The following NOL4L variants were observed in gnomAD, a reference collection of about 807,000 sequenced individuals.
NOL4L encodes the protein nucleolar protein 4 like.
Under a neutral mutation model 64.5 loss-of-function variants are expected in NOL4L, and 7 were observed. That is an observed-to-expected ratio of 0.11 (90% CI 0.06 to 0.20). The LOEUF is 0.20. Among genes scored for constraint, NOL4L ranks in the 10% least tolerant of loss-of-function variants. NOL4L has a pLI of 1.00. For missense variants in NOL4L, 680 were observed against 967.1 expected, an observed-to-expected ratio of 0.70 and a Z score of 3.94; for synonymous variants, 413 against 401.0, an observed-to-expected ratio of 1.03 and a Z score of -0.36.
intron 1 of NOL4L, among the ~76,000 whole-genome samples, chr20:32,562,932 GAA>G: frequency 2.9e-5 from 1 of 34,722 alleles, no homozygotes. Flanking sequence ...AGAGAGTGGA[GAA>G]GGAGGGTGGA....
At chr20:32,532,550 CCAGA>C (rs983370990) in intron 1 of NOL4L, 1 of 168,360 alleles carries the variant, frequency 5.9e-6, no homozygotes, top group African/African-American at 2.4e-5. Flanking sequence ...AGCTAAGGAT[CCAGA>C]CAGTGCTGCA....
chr20:32,584,719 C>T lies in NOL4L; in HGVS notation c.172G>A (p.Gly58Ser), dbSNP rs2145631639. 2 of 1,548,326 alleles carry T rather than the reference C, an allele frequency of 1.3e-6. No homozygotes were observed. Among genetic ancestry groups the T allele is most frequent in the African/African-American group, 1.4e-5 (1 of 73,048 alleles). ...CTGCCCGCGCCAGTCCCGCCGCCGCCCTGCAGGACCTCGGCGATCCGCTGG... is the reference window on the plus strand; with the variant it reads ...CTGCCCGCGCCAGTCCCGCCGCCGCTCTGCAGGACCTCGGCGATCCGCTGG... Reference protein sequence around the residue: ...KYQRIAEVLQGGGGTGAGSGP... With the variant: ...KYQRIAEVLQSGGGTGAGSGP... The change falls in exon 1 of 11, where the codon GGC (glycine) becomes AGC (serine). Residue 58 changes from glycine (G) to serine (S), a missense_variant. This residue lies in a region of NOL4L where 181 missense variants were observed against 335.2 expected (regional missense o/e 0.54). Coordinates refer to ENST00000621426, the MANE Select transcript of NOL4L (RefSeq NM_001256798.2).
intron 1 of NOL4L, among the ~76,000 whole-genome samples, chr20:32,533,064 C>T (rs1161614455): frequency 6.6e-6 from 1 of 152,152 alleles, no homozygotes; most frequent in Non-Finnish European, 1.5e-5. Flanking sequence ...GATGGGAAGA[C>T]CACTTGAGCC....
At chr20:32,512,047 C>T (rs1042785363) in intron 3 of NOL4L, among the ~76,000 whole-genome samples, 4 of 151,994 alleles carry the variant, frequency 2.6e-5, no homozygotes, top group East Asian at 1.9e-4. Flanking sequence ...CAAACCCACC[C>T]CCACAACACA....
Position 32,474,707 on chromosome 20 carries a change from C to G in NOL4L, c.735G>C (p.Met245Ile). 6.2e-7 allele frequency: 1 copy of G among 1,613,504 alleles called. No homozygotes were observed. The highest frequency in any genetic ancestry group is 8.5e-7 in the Non-Finnish European group (1 of 1,179,788). The part of the protein sequence containing the change: ...ETSVSSEDFD[M>I]SDSTWMSADP... The stretch of plus-strand genomic sequence containing the variant: ...CAGCTGACATCCATGTGGAGTCGCT[C>G]ATATCAAAATCCTCGCTGCTCACAG... Residue 245 changes from methionine to isoleucine, a missense_variant, in exon 5 of 11, where the codon ATG becomes ATC. Physicochemically the swap from Met to Ile is conservative, Grantham distance 10. This residue lies in a region of NOL4L where 254 missense variants were observed against 238.7 expected (regional missense o/e 1.06). Transcript: ENST00000621426.
intron 1 of NOL4L, chr20:32,535,980 A>C (rs2018508490): frequency 1.0e-6 from 1 of 985,376 alleles, no homozygotes; most frequent in Non-Finnish European, 1.2e-6. Context: ...GGTGCTGTAG[A>C]GGTGAAGTCA....
chr20:32,565,515 C>T (rs1162950370), intron 1 of NOL4L, among the ~76,000 whole-genome samples: 4 of 152,286 alleles, frequency 2.6e-5, no homozygotes, highest in Non-Finnish European at 5.9e-5. Context: ...TCTCCTGCCC[C>T]GCACCCCCTG....
rs948555797 is a variant in NOL4L at position 32,446,086 on chromosome 20, C to A, written c.*1510G>T. ...AAAGGCAACAGAGGGCTTCTGCCAG[C>A]TCTGGGCAGGGGCGGGCAGCAGAGA... is the stretch of plus-strand genomic sequence containing the variant. On this transcript the variant is annotated 3_prime_UTR_variant, in exon 11 of 11. Transcript: ENST00000621426. 1 of 152,380 alleles carries A rather than the reference C, an allele frequency of 6.6e-6. No homozygotes were observed. The highest frequency in any genetic ancestry group is 1.5e-5 in the Non-Finnish European group (1 of 68,198). The allele number at this position is 152,380 out of a possible 1,614,324, so 9.4% of individuals were successfully genotyped here. A position where few individuals can be genotyped will look rare whatever the true frequency, so the allele number is the denominator to read the frequency against.
intron 4 of NOL4L, among the ~76,000 whole-genome samples, chr20:32,493,371 C>A (rs186767591): frequency 7.1e-4 from 108 of 152,118 alleles, no homozygotes; most frequent in East Asian, 1.2e-3. Context: ...GCTCTGGGGC[C>A]CGGGATGCTG....
intron 5 of NOL4L, among the ~76,000 whole-genome samples, chr20:32,473,957 G>A (rs967429741): frequency 6.6e-6 from 1 of 152,236 alleles, no homozygotes; most frequent in African/African-American, 2.4e-5. Context: ...GAGTCCACGT[G>A]GAGGCCGGGG....
intron 1 of NOL4L, chr20:32,536,979 G>T: frequency 1.7e-6 from 1 of 604,896 alleles, no homozygotes; most frequent in Non-Finnish European, 2.1e-6. Flanking sequence ...CACCCCACGC[G>T]CACCTGCTGC....
In NOL4L at chr20:32,539,150, C is replaced by A. The variant is rs192242896; in HGVS notation, c.322-11237G>T. 1.3e-3 allele frequency among the ~76,000 whole-genome samples: 203 copies of A among 152,246 alleles called. 7 individuals are homozygous for A. In the East Asian group the frequency reaches 0.036, roughly 27 times the overall value. ...TCTGGGTCCCAGCCCAAGGGCAGGG[C>A]CATGGCTTTCTCTGCCTGCTCCAGC... On this transcript the variant is annotated intron_variant, in intron 1 of 10. Coordinates refer to ENST00000621426, the MANE Select transcript of NOL4L (RefSeq NM_001256798.2).
At chr20:32,536,569 G>C in intron 1 of NOL4L, among the ~76,000 whole-genome samples, 1 of 147,400 alleles carries the variant, frequency 6.8e-6, no homozygotes, top group South Asian at 2.1e-4. Flanking sequence ...AGGCGCGCGC[G>C]CGCCGGGCTG....
At chr20:32,572,710 G>C (rs7266448) in intron 1 of NOL4L, among the ~76,000 whole-genome samples, 10,147 of 152,046 alleles carry the variant, frequency 0.067, 848 homozygotes, top group African/African-American at 0.2. Context: ...TTCCATCAAG[G>C]CCCCCTCTCC....
chr20:32,584,909 G>C lies in NOL4L; in HGVS notation c.-19C>G. 1 of 1,199,974 alleles carries C rather than the reference G, an allele frequency of 8.3e-7. No individual in the cohort carries two copies. The highest frequency in any genetic ancestry group is 1.0e-6 in the Non-Finnish European group (1 of 969,794). 74.3% of individuals were successfully genotyped at this position (1,199,974 alleles called of 1,614,324 possible). A position where few individuals can be genotyped will look rare whatever the true frequency, so the allele number is the denominator to read the frequency against. On this transcript the variant is annotated 5_prime_UTR_variant, in exon 1 of 11. Transcript: ENST00000621426. The stretch of plus-strand genomic sequence containing the variant: ...TCGGCATCCTCCCGCCGCGCCCGGC[G>C]CCCTCGGGGGCGGGCCGGCCGCCGG...
rs57444583 is a variant in NOL4L at position 32,485,058 on chromosome 20, CAAAAAAAAAAAAAA to C, written c.700-10330_700-10317del. 2.1e-3 allele frequency among the ~76,000 whole-genome samples: 37 copies of C among 17,816 alleles called. 1 individual carries two copies. The East Asian group carries it at 0.04, about 19-fold the overall frequency. The allele number at this position is 17,816 out of a possible 152,430, so 11.7% of individuals were successfully genotyped here. ...TCGTGGAATTCTGTGGGGAAATTGC[CAAAAAAAAAAAAAA>C]AAAAAAAAAAAAAAACAACTAAAAA... is the stretch of plus-strand genomic sequence containing the variant. On this transcript the variant is annotated intron_variant, in intron 4 of 10. Transcript: ENST00000621426.
At chr20:32,573,164 C>T (rs1043038794) in intron 1 of NOL4L, among the ~76,000 whole-genome samples, 3 of 151,928 alleles carry the variant, frequency 2.0e-5, no homozygotes, top group Middle Eastern at 3.2e-3. Context: ...ACAGGCATGG[C>T]GCCACCATGC....
chr20:32,500,842 T>C (rs917389221), intron 4 of NOL4L, among the ~76,000 whole-genome samples: 7 of 152,186 alleles, frequency 4.6e-5, no homozygotes, highest in African/African-American at 9.6e-5. Context: ...CTAGAACAAT[T>C]TGTACAACAA....
At chr20:32,515,544 C>T (rs2017615822) in intron 3 of NOL4L, among the ~76,000 whole-genome samples, 1 of 151,936 alleles carries the variant, frequency 6.6e-6, no homozygotes, top group Non-Finnish European at 1.5e-5. Flanking sequence ...AGAGGATGGG[C>T]TTAGTGGGAA....
Sources: gnomAD v4.1 joint callset for allele counts (sites outside exome capture counted in the v4.1 genomes callset) on GRCh38, gnomAD v4.1.1 for gene constraint, gnomAD v4.1.1 regional missense constraint, MANE v1.5 for transcripts, NCBI Gene and HGNC (gene_info 2026-07-23, HGNC 2026-07-21) for gene names.